Variants in ZNF679 observed in about 807,000 individuals in gnomAD.
The protein encoded by ZNF679 is zinc finger protein 679.
In ZNF679, 10 loss-of-function variants were observed where a neutral mutation model predicts 13.4. That is an observed-to-expected ratio of 0.75 (90% CI 0.46 to 1.27). ZNF679 has a LOEUF of 1.27. Ranked by LOEUF, ZNF679 falls within the 50% of genes most tolerant of loss-of-function variation. The pLI, the probability that ZNF679 is intolerant of heterozygous loss-of-function variation, is 0.00. For synonymous variants in ZNF679, 179 were observed against 162.5 expected (o/e 1.10, Z -0.77); for missense variants, 525 against 477.8 (o/e 1.10, Z -0.92).
rs1448488601 is a variant in ZNF679 at position 64,228,487 on chromosome 7, G to A, written c.-256G>A. On this transcript the variant is annotated 5_prime_UTR_variant, in exon 1 of 5. Coordinates refer to ENST00000421025, the MANE Select transcript of ZNF679 (RefSeq NM_153363.3). ...TTATATCACCTAGGTACTTGATCCA[G>A]GTATATGTCACATTCCCAACTGTTG... The A allele has an allele frequency of 1.3e-5, 2 of 152,210 alleles. No individual in the cohort carries two copies. The highest frequency in any genetic ancestry group is 3.8e-4 in the East Asian group (2 of 5,198). The allele number at this position is 152,210 out of a possible 1,614,324, so 9.4% of individuals were successfully genotyped here. A position where few individuals can be genotyped will look rare whatever the true frequency, so the allele number is the denominator to read the frequency against.
intron 1 of ZNF679, among the ~76,000 whole-genome samples, chr7:64,234,961 T>C (rs1295249292): frequency 6.6e-6 from 1 of 152,058 alleles, no homozygotes; most frequent in Non-Finnish European, 1.5e-5. Flanking sequence ...CCTCAGCCTC[T>C]CGAGTAGCTG....
chr7:64,250,906 G>C (rs1787936698), intron 2 of ZNF679, among the ~76,000 whole-genome samples: 1 of 152,088 alleles, frequency 6.6e-6, no homozygotes, highest in African/African-American at 2.4e-5. Flanking sequence ...TCTTAAACAA[G>C]GTCTTAAGTC....
At chr7:64,257,733 G>A (rs1201067239) in intron 2 of ZNF679, among the ~76,000 whole-genome samples, 7 of 152,182 alleles carry the variant, frequency 4.6e-5, no homozygotes, top group African/African-American at 1.7e-4. Context: ...ATTTCAGGGT[G>A]GAGATTGGTT....
At chr7:64,260,770 A>AT in intron 3 of ZNF679, 64 bp from the exon 4 acceptor site, 1 of 1,499,236 alleles carries the variant, frequency 6.7e-7, no homozygotes, top group Non-Finnish European at 9.0e-7. Flanking sequence ...ACTAAGCATA[A>AT]TACTCGTTTG....
At chr7:64,264,442 T>C (rs1416244349) in intron 4 of ZNF679, among the ~76,000 whole-genome samples, 2 of 152,104 alleles carry the variant, frequency 1.3e-5, no homozygotes, top group African/African-American at 4.8e-5. Context: ...TTTTTATTTT[T>C]TGTATATGCA....
intron 1 of ZNF679, among the ~76,000 whole-genome samples, chr7:64,244,780 C>A (rs959875813): frequency 1.3e-5 from 2 of 152,220 alleles, no homozygotes; most frequent in Admixed American, 6.5e-5. Flanking sequence ...CAGCACTGAG[C>A]AGTCTCCATT....
intron 1 of ZNF679, among the ~76,000 whole-genome samples, chr7:64,231,249 T>C (rs946446313): frequency 6.6e-6 from 1 of 152,240 alleles, no homozygotes; most frequent in African/African-American, 2.4e-5. Flanking sequence ...AGAGTCATCA[T>C]TATGCCTGTG....
intron 1 of ZNF679, among the ~76,000 whole-genome samples, chr7:64,244,720 C>T (rs560197055): frequency 8.5e-4 from 130 of 152,256 alleles, no homozygotes; most frequent in Admixed American, 9.8e-4. Context: ...GAAATTGAAC[C>T]CTGAACTCGG....
chr7:64,238,770 CAAT>C (rs1787758061), intron 1 of ZNF679, among the ~76,000 whole-genome samples: 1 of 152,160 alleles, frequency 6.6e-6, no homozygotes, highest in Admixed American at 6.5e-5. Context: ...AGCCCCAAAA[CAAT>C]AACAATTACA....
chr7:64,253,002 G>A (rs548830092), intron 2 of ZNF679, among the ~76,000 whole-genome samples: 2 of 152,310 alleles, frequency 1.3e-5, no homozygotes, highest in East Asian at 3.9e-4. Context: ...ACAGGCAAGA[G>A]CCACTGCTCC....
chr7:64,266,117 G>T lies in ZNF679; in HGVS notation c.484G>T (p.Val162Phe). Residue 162 changes from valine (V) to phenylalanine (F), a missense_variant, in exon 5 of 5, where the codon GTC becomes TTC. Coordinates refer to ENST00000421025, the MANE Select transcript of ZNF679 (RefSeq NM_153363.3). Reference protein sequence around the residue: ...QNKIFQTHKCVKVFGKFSNSN... With the variant: ...QNKIFQTHKCFKVFGKFSNSN... ...CAAAATATTTCAGACTCATAAATGTGTCAAAGTCTTCGGCAAATTTTCAAA... is the reference window on the plus strand; with the variant it reads ...CAAAATATTTCAGACTCATAAATGTTTCAAAGTCTTCGGCAAATTTTCAAA... 6.2e-7 allele frequency: 1 copy of T among 1,611,228 alleles called. No individual in the cohort carries two copies. The highest frequency in any genetic ancestry group is 8.5e-7 in the Non-Finnish European group (1 of 1,178,326).
At chr7:64,239,599 T>C (rs10949882) in intron 1 of ZNF679, among the ~76,000 whole-genome samples, 32,156 of 152,126 alleles carry the variant, frequency 0.21, 4,201 homozygotes, top group Non-Finnish European at 0.27. Flanking sequence ...AATTGTAATA[T>C]ATCTCTTTAT....
At chr7:64,256,938 C>T (rs532761306) in intron 2 of ZNF679, among the ~76,000 whole-genome samples, 8 of 152,170 alleles carry the variant, frequency 5.3e-5, no homozygotes, top group Admixed American at 3.3e-4. Flanking sequence ...CATCATGATC[C>T]GCCCGTCTTG....
At chr7:64,246,236 T>C (rs546458942) in intron 1 of ZNF679, among the ~76,000 whole-genome samples, 4 of 152,318 alleles carry the variant, frequency 2.6e-5, no homozygotes, top group South Asian at 4.1e-4. Flanking sequence ...CTCCCCTAAA[T>C]TGGGGTATTA....
chr7:64,255,210 C>G (rs753419034), intron 2 of ZNF679, among the ~76,000 whole-genome samples: 1 of 151,986 alleles, frequency 6.6e-6, no homozygotes, highest in East Asian at 1.9e-4. Flanking sequence ...GGACTAAAAA[C>G]TTAGAGAAAA....
intron 1 of ZNF679, among the ~76,000 whole-genome samples, chr7:64,240,434 G>A (rs1394126178): frequency 6.6e-6 from 1 of 152,140 alleles, no homozygotes; most frequent in Non-Finnish European, 1.5e-5. Flanking sequence ...AACAGGCAAG[G>A]TCCTGGGTCT....
chr7:64,264,439 T>G (rs1788118177), intron 4 of ZNF679, among the ~76,000 whole-genome samples: 1 of 152,104 alleles, frequency 6.6e-6, no homozygotes, highest in South Asian at 2.1e-4. Flanking sequence ...AGATTTTTAT[T>G]TTTTGTATAT....
rs540124201 is a variant in ZNF679, at chr7:64,236,332, C to T, written c.-91+7680C>T. Among the ~76,000 whole-genome samples the T allele has an allele frequency of 1.1e-4, 16 of 151,962 alleles. No homozygotes were observed. The East Asian group carries it at 1.2e-3, about 11-fold the overall frequency. ...TTGTCTTATTTTTATTTTGTATTTA[C>T]GCTTACAATAAGCAGGCCCAAAAAA... On this transcript the variant is annotated intron_variant, in intron 1 of 4. Coordinates refer to ENST00000421025, the MANE Select transcript of ZNF679 (RefSeq NM_153363.3).
rs553711327 is a variant in ZNF679 at position 64,257,491 on chromosome 7, C to T, written c.40-2730C>T. Among the ~76,000 whole-genome samples, 8 of 152,084 alleles carry T rather than the reference C, an allele frequency of 5.3e-5. No individual in the cohort carries two copies. In the South Asian group the frequency reaches 1.7e-3, roughly 32 times the overall value. On this transcript the variant is annotated intron_variant, in intron 2 of 4. Coordinates refer to ENST00000421025, the MANE Select transcript of ZNF679 (RefSeq NM_153363.3). ...AAATAAAAATGCTGTGCTCTTAATC[C>T]AAATGCTAAAAATTATTCAACACTT... is the stretch of plus-strand genomic sequence containing the variant.
Sources: gnomAD v4.1 joint callset for allele counts (sites outside exome capture counted in the v4.1 genomes callset) on GRCh38, gnomAD v4.1.1 for gene constraint, MANE v1.5 for transcripts, NCBI Gene and HGNC (gene_info 2026-07-23, HGNC 2026-07-21) for gene names.